CC2D2B: variants seen among roughly 807,000 people sequenced by gnomAD.
CC2D2B encodes the protein coiled-coil and C2 domain containing 2B, also known as protein CC2D2B.
CC2D2B carries 128 observed loss-of-function variants against 161.2 expected under a neutral mutation model. The observed-to-expected ratio is 0.79, with a 90% CI of 0.69 to 0.92. CC2D2B has a LOEUF of 0.92. CC2D2B is among the 40% of genes least tolerant of loss of function. The pLI is 0.00. For synonymous variants in CC2D2B, 391 were observed against 449.8 expected (o/e 0.87, Z 1.65); for missense variants, 1,173 against 1,375.1 (o/e 0.85, Z 2.32).
At chr10:96,017,616 G>A (rs368855941) in intron 30 of CC2D2B, among the ~76,000 whole-genome samples, 2 of 152,016 alleles carry the variant, frequency 1.3e-5, no homozygotes, top group African/African-American at 2.4e-5. Flanking sequence ...TGGGTTTGGG[G>A]GACAGTCAGA....
intron 28 of CC2D2B, among the ~76,000 whole-genome samples, chr10:96,013,289 C>A (rs952937279): frequency 6.6e-6 from 1 of 151,600 alleles, no homozygotes; most frequent in Non-Finnish European, 1.5e-5. Context: ...TTTGACAAAG[C>A]ACATTGTACT....
intron 25 of CC2D2B, among the ~76,000 whole-genome samples, chr10:96,005,909 T>A (rs2141818487): frequency 6.6e-6 from 1 of 152,312 alleles, no homozygotes; most frequent in Non-Finnish European, 1.5e-5. Flanking sequence ...TTCAAGATTT[T>A]AAAATGTATT....
chr10:95,945,094 A>G (rs1434524983), intron 9 of CC2D2B, among the ~76,000 whole-genome samples: 1 of 152,194 alleles, frequency 6.6e-6, no homozygotes, highest in Non-Finnish European at 1.5e-5. Context: ...AAAGGTCCAC[A>G]CTAGACATGA....
chr10:95,941,109 C>T (rs567913208), intron 9 of CC2D2B, among the ~76,000 whole-genome samples: 1 of 152,140 alleles, frequency 6.6e-6, no homozygotes, highest in Non-Finnish European at 1.5e-5. Flanking sequence ...GTCTCTTCAA[C>T]AAATGGTGCT....
intron 10 of CC2D2B, among the ~76,000 whole-genome samples, chr10:95,951,207 C>T (rs1048632970): frequency 6.6e-6 from 1 of 151,910 alleles, no homozygotes; most frequent in Non-Finnish European, 1.5e-5. Flanking sequence ...GGCTGCAATG[C>T]AGTGGCTCAA....
rs1477133610 is a variant in CC2D2B at position 95,951,966 on chromosome 10, A to G, written c.1011+1861A>G. Reference sequence around the variant, plus strand: ...CTCCCAGTAAATTGTGAAAAGAGAAATGTGCTTGGAAGTGTGCATAATCTT... The same window carrying G: ...CTCCCAGTAAATTGTGAAAAGAGAAGTGTGCTTGGAAGTGTGCATAATCTT... On this transcript the variant is annotated intron_variant, in intron 10 of 34. Transcript: ENST00000646931. 3.3e-5 allele frequency among the ~76,000 whole-genome samples: 5 copies of G among 152,188 alleles called. No individual in the cohort carries two copies. The East Asian group carries it at 9.6e-4, about 29-fold the overall frequency.
chr10:96,007,226 G>C (rs549769386), intron 25 of CC2D2B, among the ~76,000 whole-genome samples: 64 of 152,182 alleles, frequency 4.2e-4, no homozygotes, highest in African/African-American at 1.4e-3. Context: ...CTCTCTATGT[G>C]TCCATGTGTT....
At chr10:95,921,095 T>C (rs542644941) in intron 2 of CC2D2B, 1 of 152,318 alleles carries the variant, frequency 6.6e-6, no homozygotes, top group South Asian at 2.1e-4. Flanking sequence ...TGTCCAGGAA[T>C]TGTGGTCCTT....
intron 20 of CC2D2B, among the ~76,000 whole-genome samples, chr10:95,990,763 G>A (rs2077920730): frequency 1.3e-5 from 2 of 152,108 alleles, no homozygotes; most frequent in Non-Finnish European, 2.9e-5. Context: ...AAAAACTAAA[G>A]ACAGGGTAAG....
chr10:96,032,046 C>A lies in CC2D2B; in HGVS notation c.*38C>A. On this transcript the variant is annotated 3_prime_UTR_variant, in exon 35 of 35. Transcript: ENST00000646931. ...GCAAAGTAAAAGATTGTACTATAGTCCTCTAGTACCAACAAAAACTTTTCT... is the reference window on the plus strand; with the variant it reads ...GCAAAGTAAAAGATTGTACTATAGTACTCTAGTACCAACAAAAACTTTTCT... The A allele has an allele frequency of 1.4e-6, 2 of 1,474,372 alleles. No homozygotes were observed. The highest frequency in any genetic ancestry group is 1.2e-5 in the South Asian group (1 of 83,366). The allele number at this position is 1,474,372 out of a possible 1,614,324, so 91.3% of individuals were successfully genotyped here.
intron 33 of CC2D2B, among the ~76,000 whole-genome samples, chr10:96,025,401 C>T (rs993128716): frequency 6.7e-6 from 1 of 149,798 alleles, no homozygotes; most frequent in Non-Finnish European, 1.5e-5. Flanking sequence ...ATTGAACCAC[C>T]TGGTTCTTGG....
intron 34 of CC2D2B, among the ~76,000 whole-genome samples, chr10:96,030,160 A>G (rs1410587512): frequency 2.6e-5 from 4 of 152,020 alleles, no homozygotes; most frequent in Non-Finnish European, 5.9e-5. Context: ...GGTTGGTTGA[A>G]TCCTCAAATG....
At chr10:95,961,192 T>C (rs2076746810) in intron 11 of CC2D2B, among the ~76,000 whole-genome samples, 1 of 152,172 alleles carries the variant, frequency 6.6e-6, no homozygotes, top group South Asian at 2.1e-4. Context: ...TTATTGCTCC[T>C]TTCTTCCACC....
At position 95,993,942 on chromosome 10, in the gene CC2D2B, GTATGTATGTGTATATA is replaced by G. The variant is rs1468696472; in HGVS notation, c.2642+1249_2642+1264del. Among the ~76,000 whole-genome samples, 24 of 25,370 alleles carry G rather than the reference GTATGTATGTGTATATA, an allele frequency of 9.5e-4. 1 individual carries two copies. The highest frequency in any genetic ancestry group is 3.9e-3 in the South Asian group (3 of 776). The allele number at this position is 25,370 out of a possible 152,430, so 16.6% of individuals were successfully genotyped here. ...TGTGTGTGTGTGTGTGTGTGTGTGT[GTATGTATGTGTATATA>G]TATATATATATATATATATATATAT... On this transcript the variant is annotated intron_variant, in intron 22 of 34. Coordinates refer to ENST00000646931, the MANE Select transcript of CC2D2B (RefSeq NM_001349008.3).
intron 10 of CC2D2B, among the ~76,000 whole-genome samples, chr10:95,954,129 C>G (rs1156336786): frequency 1.3e-5 from 2 of 152,120 alleles, no homozygotes; most frequent in African/African-American, 4.8e-5. Context: ...TGAATAGTGT[C>G]TGACAGACCA....
chr10:96,019,457 G>T (rs935661841), intron 31 of CC2D2B, 120 bp downstream of exon 31: 2 of 1,065,970 alleles, frequency 1.9e-6, no homozygotes, highest in Non-Finnish European at 2.7e-6. Flanking sequence ...AGGGCATGGG[G>T]CCGGGGCAAT....
At chr10:96,023,735 C>T (rs567232257) in intron 32 of CC2D2B, among the ~76,000 whole-genome samples, 2 of 152,302 alleles carry the variant, frequency 1.3e-5, no homozygotes, top group African/African-American at 4.8e-5. Context: ...TGCCTGGGAC[C>T]ATCTCTAATC....
intron 24 of CC2D2B, among the ~76,000 whole-genome samples, chr10:96,000,427 G>A (rs1045407540): frequency 3.9e-5 from 6 of 151,970 alleles, no homozygotes; most frequent in African/African-American, 1.2e-4. Context: ...GCAGTGGCGC[G>A]ATCTGGGCTC....
At chr10:95,935,993 A>G (rs191124661) in intron 6 of CC2D2B, among the ~76,000 whole-genome samples, 11 of 152,294 alleles carry the variant, frequency 7.2e-5, no homozygotes, top group Admixed American at 5.9e-4. Flanking sequence ...AAACTTTCCT[A>G]TGCTCTTAAT....
Sources: gnomAD v4.1 joint callset for allele counts (sites outside exome capture counted in the v4.1 genomes callset) on GRCh38, gnomAD v4.1.1 for gene constraint, MANE v1.5 for transcripts, NCBI Gene and HGNC (gene_info 2026-07-23, HGNC 2026-07-21) for gene names.